SH3PXD2A: variants seen among roughly 807,000 people sequenced by gnomAD.
SH3PXD2A encodes the protein SH3 and PX domain-containing protein 2A.
SH3PXD2A carries 32 observed loss-of-function variants against 115.2 expected under a neutral mutation model. The observed-to-expected ratio is 0.28, with a 90% CI of 0.21 to 0.37. SH3PXD2A has a LOEUF of 0.37. Ranked by LOEUF, SH3PXD2A falls within the 10% of genes least tolerant of loss-of-function variation. SH3PXD2A has a pLI of 1.00. For synonymous variants in SH3PXD2A, 610 were observed against 629.1 expected (o/e 0.97, Z 0.45); for missense variants, 1,328 against 1,498.7 (o/e 0.89, Z 1.88).
chr10:103,779,545 G>A (rs759372139), intron 2 of SH3PXD2A, among the ~76,000 whole-genome samples: 4 of 152,252 alleles, frequency 2.6e-5, no homozygotes, highest in Admixed American at 6.5e-5. Flanking sequence ...GGAAGAACTC[G>A]GACTTCCTCC....
At chr10:103,716,518 A>C (rs2038106635) in intron 5 of SH3PXD2A, among the ~76,000 whole-genome samples, 1 of 152,226 alleles carries the variant, frequency 6.6e-6, no homozygotes, top group Non-Finnish European at 1.5e-5. Flanking sequence ...GAATTTAACC[A>C]GGATCATGGC....
intron 2 of SH3PXD2A, among the ~76,000 whole-genome samples, chr10:103,782,467 A>G (rs2038939431): frequency 6.6e-6 from 1 of 152,244 alleles, no homozygotes; most frequent in Admixed American, 6.5e-5. Flanking sequence ...ACTTGCCTTT[A>G]AAGCGGAGGA....
intron 5 of SH3PXD2A, among the ~76,000 whole-genome samples, chr10:103,713,031 C>A (rs771598460): frequency 1.3e-5 from 2 of 152,334 alleles, no homozygotes; most frequent in East Asian, 3.9e-4. Flanking sequence ...AAGGGTCCAG[C>A]ACGGCTTTAG....
intron 5 of SH3PXD2A, among the ~76,000 whole-genome samples, chr10:103,702,356 C>G (rs1421755117): frequency 6.6e-6 from 1 of 152,222 alleles, no homozygotes; most frequent in Non-Finnish European, 1.5e-5. Flanking sequence ...TACAAGTTCC[C>G]TTGTGATCAG....
chr10:103,781,255 A>G (rs2038928823), intron 2 of SH3PXD2A, among the ~76,000 whole-genome samples: 1 of 152,198 alleles, frequency 6.6e-6, no homozygotes, highest in Admixed American at 6.5e-5. Context: ...GCTGGGAGGT[A>G]CAATCATGGA....
chr10:103,756,311 TG>T lies in SH3PXD2A; in HGVS notation c.229+10782del, dbSNP rs1235673667. On this transcript the variant is annotated intron_variant, in intron 3 of 14. Coordinates refer to ENST00000369774, the MANE Select transcript of SH3PXD2A (RefSeq NM_001394015.1). This position sits in a 1 kb window ranked among gnomAD's most constrained non-coding sequence, Gnocchi z 4.4. ...CTTTGTCCTTGGGCCTGGGTCCAGTTGGAGTGACCCAGGAGGGCAGTGTGCG... is the reference window on the plus strand; with the variant it reads ...CTTTGTCCTTGGGCCTGGGTCCAGTTGAGTGACCCAGGAGGGCAGTGTGCG... Among the ~76,000 whole-genome samples, 9 of 152,304 alleles carry T rather than the reference TG, an allele frequency of 5.9e-5. No homozygotes were observed. In the South Asian group the frequency reaches 1.9e-3, roughly 32 times the overall value.
chr10:103,815,137 A>G (rs2134282314), intron 1 of SH3PXD2A, among the ~76,000 whole-genome samples: 1 of 152,346 alleles, frequency 6.6e-6, no homozygotes, highest in Non-Finnish European at 1.5e-5. Context: ...AATCTCCATG[A>G]CCTTGAATTA....
At chr10:103,739,607 G>A (rs1000864620) in intron 3 of SH3PXD2A, among the ~76,000 whole-genome samples, 3 of 152,162 alleles carry the variant, frequency 2.0e-5, no homozygotes, top group African/African-American at 4.8e-5. Flanking sequence ...GAAGGAAGCC[G>A]GGACCACAGG....
intron 3 of SH3PXD2A, among the ~76,000 whole-genome samples, chr10:103,757,232 C>G (rs1024503896): frequency 6.6e-6 from 1 of 152,196 alleles, no homozygotes; most frequent in Non-Finnish European, 1.5e-5. Context: ...ATGCCTGTCA[C>G]TTTCTGGTGA....
intron 1 of SH3PXD2A, among the ~76,000 whole-genome samples, chr10:103,843,051 T>C (rs1160109840): frequency 1.3e-5 from 2 of 152,206 alleles, no homozygotes; most frequent in Admixed American, 1.3e-4. Context: ...TCAAGAAGGA[T>C]GATAACGCTG....
chr10:103,839,919 G>A (rs2039581007), intron 1 of SH3PXD2A, among the ~76,000 whole-genome samples: 1 of 152,256 alleles, frequency 6.6e-6, no homozygotes, highest in Non-Finnish European at 1.5e-5. Flanking sequence ...CCAGTGGGCA[G>A]CCACCAGGCC....
In SH3PXD2A at chr10:103,710,005, GA is replaced by G. The variant is rs201771370; in HGVS notation, c.398+14264del. On this transcript the variant is annotated intron_variant, in intron 5 of 14. Coordinates refer to ENST00000369774, the MANE Select transcript of SH3PXD2A (RefSeq NM_001394015.1). ...AGCTACTTGGGAGGCTGAGGCAGGA[GA>G]GTCACTTGGACCCGGGAGGCGGAGG... is the stretch of plus-strand genomic sequence containing the variant. Among the ~76,000 whole-genome samples the G allele has an allele frequency of 8.2e-3, 1,244 of 152,092 alleles. 14 individuals are homozygous for G. The highest frequency in any genetic ancestry group is 0.028 in the African/African-American group (1,178 of 41,454).
chr10:103,633,349 G>A (rs1471701714), intron 8 of SH3PXD2A, among the ~76,000 whole-genome samples: 1 of 151,932 alleles, frequency 6.6e-6, no homozygotes, highest in Non-Finnish European at 1.5e-5. Context: ...CCGGGAGCCG[G>A]AGGTTGCAGT....
chr10:103,630,944 C>T (rs1056579801), intron 8 of SH3PXD2A, among the ~76,000 whole-genome samples: 9 of 152,152 alleles, frequency 5.9e-5, no homozygotes, highest in Admixed American at 3.3e-4. Flanking sequence ...GTATACATTC[C>T]GAGACCCCCA....
rs1266810608 is a variant in SH3PXD2A at position 103,595,346 on chromosome 10, C to T, written c.*6470G>A. On this transcript the variant is annotated 3_prime_UTR_variant, in exon 15 of 15. Transcript: ENST00000369774. ...TGAAACACTCAGAGCTGACTTCTTC[C>T]TTCTTTCTAATCAACAAAGACAAAA... 6.6e-6 allele frequency: 1 copy of T among 152,188 alleles called. No individual in the cohort carries two copies. Among genetic ancestry groups the T allele is most frequent in the Non-Finnish European group, 1.5e-5 (1 of 68,058 alleles). The allele number at this position is 152,188 out of a possible 1,614,324, so 9.4% of individuals were successfully genotyped here.
At chr10:103,757,162 G>A (rs575911348) in intron 3 of SH3PXD2A, among the ~76,000 whole-genome samples, 2 of 152,336 alleles carry the variant, frequency 1.3e-5, no homozygotes, top group South Asian at 4.1e-4. Context: ...AGGAAAGGAT[G>A]TATTTCCAGG....
chr10:103,677,050 C>T (rs1053281880), intron 6 of SH3PXD2A, among the ~76,000 whole-genome samples: 4 of 152,204 alleles, frequency 2.6e-5, no homozygotes, highest in African/African-American at 9.7e-5. Context: ...TGCAATCCGC[C>T]TCCTCCCTGG....
intron 1 of SH3PXD2A, among the ~76,000 whole-genome samples, chr10:103,830,133 G>C (rs752764221): frequency 6.6e-6 from 1 of 152,156 alleles, no homozygotes. Flanking sequence ...GGTTTATTTC[G>C]GATTAAGTAA....
chr10:103,700,475 G>A (rs1207369958), intron 5 of SH3PXD2A, among the ~76,000 whole-genome samples: 1 of 152,198 alleles, frequency 6.6e-6, no homozygotes, highest in East Asian at 1.9e-4. Flanking sequence ...TGTGGCCTGT[G>A]TGAGACCCTG....
Sources: allele counts gnomAD v4.1 joint callset (sites outside exome capture counted in the v4.1 genomes callset), GRCh38; gene constraint gnomAD v4.1.1; non-coding constraint Gnocchi (gnomAD v3.1); transcripts MANE v1.5; gene names NCBI Gene and HGNC (gene_info 2026-07-23, HGNC 2026-07-21).